MACROD2: variants seen among roughly 807,000 people sequenced by gnomAD.
MACROD2 encodes the protein mono-ADP ribosylhydrolase 2.
MACROD2 carries 36 observed loss-of-function variants against 70.4 expected under a neutral mutation model. That is an observed-to-expected ratio of 0.51 (90% CI 0.39 to 0.68). The LOEUF is 0.68. Ranked by LOEUF, MACROD2 falls within the 30% of genes least tolerant of loss-of-function variation. MACROD2 has a pLI of 0.00. For missense variants in MACROD2, 496 were observed against 538.4 expected, an observed-to-expected ratio of 0.92 and a Z score of 0.78; for synonymous variants, 172 against 178.8, an observed-to-expected ratio of 0.96 and a Z score of 0.30.
At chr20:15,210,081 T>C (rs1274612103) in intron 5 of MACROD2, among the ~76,000 whole-genome samples, 1 of 152,154 alleles carries the variant, frequency 6.6e-6, no homozygotes, top group African/African-American at 2.4e-5. Context: ...CTGTAGTTCA[T>C]CTCTCTCTCA....
intron 6 of MACROD2, among the ~76,000 whole-genome samples, chr20:15,424,694 TGGGCAACA>T (rs766395579): frequency 1.6e-4 from 21 of 135,092 alleles, no homozygotes; most frequent in Non-Finnish European, 2.8e-4. Flanking sequence ...TACTCCAGCC[TGGGCAACA>T]GAGTGAGACC....
intron 8 of MACROD2, among the ~76,000 whole-genome samples, chr20:15,705,838 T>C (rs2050524685): frequency 6.6e-6 from 1 of 152,224 alleles, no homozygotes; most frequent in South Asian, 2.1e-4. Flanking sequence ...AGATATGCTA[T>C]AGTAATTTTT....
intron 7 of MACROD2, among the ~76,000 whole-genome samples, chr20:15,483,301 T>C (rs991691472): frequency 6.6e-6 from 1 of 152,174 alleles, no homozygotes; most frequent in African/African-American, 2.4e-5. Context: ...TCCAGCCCAG[T>C]TTGTTGAAAA....
At chr20:15,186,688 CACTA>C (rs1161892546) in intron 5 of MACROD2, among the ~76,000 whole-genome samples, 1 of 152,124 alleles carries the variant, frequency 6.6e-6, no homozygotes, top group East Asian at 1.9e-4. Flanking sequence ...TTTTATTGTT[CACTA>C]ACTACTAACT....
intron 5 of MACROD2, among the ~76,000 whole-genome samples, chr20:15,162,554 T>C (rs1260206440): frequency 6.6e-6 from 1 of 152,146 alleles, no homozygotes; most frequent in Non-Finnish European, 1.5e-5. Flanking sequence ...GATTTGTAAC[T>C]ATCGACATTG....
intron 8 of MACROD2, 149 bp downstream of exon 8, chr20:15,499,996 A>T: frequency 8.9e-6 from 6 of 672,676 alleles, no homozygotes; most frequent in Non-Finnish European, 1.5e-5. Flanking sequence ...GGGTTACATG[A>T]GTAATTAAAT....
At chr20:14,070,296 A>C (rs893394091) in intron 2 of MACROD2, among the ~76,000 whole-genome samples, 1 of 144,790 alleles carries the variant, frequency 6.9e-6, no homozygotes, top group African/African-American at 2.6e-5. Flanking sequence ...TTTGAGAATA[A>C]ATGGATATGC....
intron 5 of MACROD2, among the ~76,000 whole-genome samples, chr20:15,059,779 T>A (rs1350768776): frequency 1.3e-5 from 2 of 152,204 alleles, no homozygotes; most frequent in African/African-American, 4.8e-5. Context: ...TAAGAGAAAC[T>A]TTTAAAGCTC....
chr20:13,997,885 G>T (rs1311544666), intron 1 of MACROD2, among the ~76,000 whole-genome samples: 1 of 151,966 alleles, frequency 6.6e-6, no homozygotes, highest in Admixed American at 6.6e-5. Flanking sequence ...AAGAGCTAAG[G>T]ATTTCTAGTA....
At position 15,005,022 on chromosome 20, in the gene MACROD2, A is replaced by G. The variant is rs147295679; in HGVS notation, c.419-224918A>G. ...TTATTTTGTCTTTCTAGGTGGAACA[A>G]CAATGTATTCATTAGTGATAACAAT... On this transcript the variant is annotated intron_variant, in intron 5 of 17. Coordinates refer to ENST00000684519, the MANE Select transcript of MACROD2 (RefSeq NM_001351661.2). 2.6e-3 allele frequency among the ~76,000 whole-genome samples: 399 copies of G among 152,338 alleles called. 2 individuals are homozygous for G. Among genetic ancestry groups the G allele is most frequent in the African/African-American group, 9.1e-3 (379 of 41,578 alleles).
At chr20:16,004,888 G>A (rs535803885) in intron 15 of MACROD2, among the ~76,000 whole-genome samples, 94 of 152,320 alleles carry the variant, frequency 6.2e-4, no homozygotes, top group African/African-American at 2.1e-3. Context: ...GTGACTCAGA[G>A]CCAAGTGTGA....
intron 5 of MACROD2, among the ~76,000 whole-genome samples, chr20:14,705,243 C>G (rs1025749593): frequency 5.3e-5 from 8 of 152,066 alleles, no homozygotes. Flanking sequence ...TACATCTCTC[C>G]GTTCGTCTCA....
chr20:14,173,567 G>A (rs1210681395), intron 3 of MACROD2, among the ~76,000 whole-genome samples: 1 of 151,932 alleles, frequency 6.6e-6, no homozygotes, highest in Non-Finnish European at 1.5e-5. Flanking sequence ...CCTTTCTCTG[G>A]TTTCCCTGAT....
intron 8 of MACROD2, among the ~76,000 whole-genome samples, chr20:15,780,713 A>T (rs2051816634): frequency 6.6e-6 from 1 of 152,132 alleles, no homozygotes; most frequent in Admixed American, 6.5e-5. Context: ...GTAGTTGTTT[A>T]CAAAGTAAAC....
intron 5 of MACROD2, among the ~76,000 whole-genome samples, chr20:14,968,643 G>A (rs547328869): frequency 8.5e-5 from 13 of 152,304 alleles, no homozygotes; most frequent in Admixed American, 7.8e-4. Context: ...CACAGACTGG[G>A]GGGCTCCACC....
intron 5 of MACROD2, among the ~76,000 whole-genome samples, chr20:15,035,415 GTAAAA>G (rs931881999): frequency 5.7e-5 from 7 of 121,756 alleles, no homozygotes; most frequent in African/African-American, 2.7e-4. Context: ...AAAAAAATAA[GTAAAA>G]TAAAATAAAA....
In MACROD2 at chr20:15,825,125, G is replaced by T. The variant is rs73898512; in HGVS notation, c.646-37620G>T. 5.6e-3 allele frequency among the ~76,000 whole-genome samples: 849 copies of T among 152,222 alleles called. 12 individuals carry two copies. The highest frequency in any genetic ancestry group is 0.051 in the Middle Eastern group (15 of 294). ...ACAATGAGAAAAACATAAGAATAATGGTTTTGAGAGATTAAAAATGTCTGC... is the reference window on the plus strand; with the variant it reads ...ACAATGAGAAAAACATAAGAATAATTGTTTTGAGAGATTAAAAATGTCTGC... On this transcript the variant is annotated intron_variant, in intron 8 of 17. Transcript: ENST00000684519.
intron 7 of MACROD2, among the ~76,000 whole-genome samples, chr20:15,466,272 G>A (rs1394430517): frequency 1.3e-5 from 2 of 152,052 alleles, no homozygotes; most frequent in Admixed American, 1.3e-4. Context: ...TTAGCTCATT[G>A]CCTGGCATTG....
chr20:15,059,762 A>G (rs1446325833), intron 5 of MACROD2, among the ~76,000 whole-genome samples: 1 of 152,230 alleles, frequency 6.6e-6, no homozygotes, highest in African/African-American at 2.4e-5. Flanking sequence ...AAGAGAACAG[A>G]ATTTTTTAAG....
Sources: gnomAD v4.1 joint callset for allele counts (sites outside exome capture counted in the v4.1 genomes callset) on GRCh38, gnomAD v4.1.1 for gene constraint, MANE v1.5 for transcripts, NCBI Gene and HGNC (gene_info 2026-07-23, HGNC 2026-07-21) for gene names.